The following FKBP3 variants were observed in gnomAD, a reference collection of about 807,000 sequenced individuals.
FKBP3 encodes the protein peptidyl-prolyl cis-trans isomerase FKBP3.
FKBP3 carries 21 observed loss-of-function variants against 30.6 expected under a neutral mutation model. That is an observed-to-expected ratio of 0.69 (90% CI 0.49 to 0.99). The LOEUF (loss-of-function observed/expected upper bound fraction) is 0.99. Ranked by LOEUF, FKBP3 falls within the 50% of genes least tolerant of loss-of-function variation. The pLI is 0.00. For synonymous variants in FKBP3, 82 were observed against 91.3 expected (o/e 0.90, Z 0.58); for missense variants, 283 against 261.6 (o/e 1.08, Z -0.56).
intron 3 of FKBP3, among the ~76,000 whole-genome samples, chr14:45,123,464 CCT>C (rs1228769894): frequency 4.0e-5 from 6 of 151,868 alleles, no homozygotes; most frequent in East Asian, 1.9e-4. Context: ...AGATAGGACC[CCT>C]GTCTCTGTCT....
In FKBP3 at chr14:45,131,471, A is replaced by C. The variant is rs139240068; in HGVS notation, c.109-671T>G. ...ACGTGACAAAACCCCATCTCTACTAAAAATACAAAATTTAGCTGGCCATGG... is the reference window on the plus strand; with the variant it reads ...ACGTGACAAAACCCCATCTCTACTACAAATACAAAATTTAGCTGGCCATGG... On this transcript the variant is annotated intron_variant, in intron 1 of 6. Transcript: ENST00000396062. Among the ~76,000 whole-genome samples the C allele has an allele frequency of 3.3e-3, 494 of 151,992 alleles. 5 individuals are homozygous for C. The highest frequency in any genetic ancestry group is 0.011 in the African/African-American group (469 of 41,426).
intron 5 of FKBP3, 107 bp downstream of exon 5, chr14:45,120,778 CAA>C (rs1371083243): frequency 2.3e-6 from 2 of 869,920 alleles, no homozygotes; most frequent in African/African-American, 3.4e-5. Flanking sequence ...TGTCAGACTC[CAA>C]AGTCTGTTTC....
Position 45,134,419 on chromosome 14 carries a change from TC to T in FKBP3, c.37del (p.Glu13SerfsTer32), listed in dbSNP as rs1885330718. On this transcript the variant is annotated frameshift_variant, in exon 1 of 7. Transcript: ENST00000396062. LOFTEE classifies it high-confidence loss of function. ...AAVPQRAWTV[E>X]QLRSEQLPKK... is the part of the protein sequence containing the mutation. ...GGGCAGCTGCTCACTGCGCAGCTGC[TC>T]CACGGTCCACGCCCGCTGTGGAACG... 6.2e-7 allele frequency: 1 copy of T among 1,613,410 alleles called. No homozygotes were observed. Among genetic ancestry groups the T allele is most frequent in the Non-Finnish European group, 8.5e-7 (1 of 1,179,850 alleles).
chr14:45,129,558 A>C (rs1340352303), intron 3 of FKBP3, among the ~76,000 whole-genome samples: 16 of 152,174 alleles, frequency 1.1e-4, no homozygotes, highest in Admixed American at 1.0e-3. Flanking sequence ...GGCGATATTA[A>C]ATACAATATC....
Position 45,121,605 on chromosome 14 carries a change from T to A in FKBP3, c.334A>T (p.Thr112Ser). 2 of 1,613,522 alleles carry A rather than the reference T, an allele frequency of 1.2e-6. No individual in the cohort carries two copies. Among genetic ancestry groups the A allele is most frequent in the Non-Finnish European group, 1.7e-6 (2 of 1,179,766 alleles). The stretch of plus-strand genomic sequence containing the variant: ...TCTCCCTTTTTCAGAACAGATTTAG[T>A]ATATTTTGGTGGACCCTAAAAACAA... ...ETLDEGPPKY[T>S]KSVLKKGDKT... Residue 112 changes from threonine to serine, a missense_variant, in exon 4 of 7, where the codon ACT becomes TCT. Coordinates refer to ENST00000396062, the MANE Select transcript of FKBP3 (RefSeq NM_002013.4).
Position 45,119,585 on chromosome 14 carries a change from G to A in FKBP3, c.522+1302C>T, listed in dbSNP as rs772380501. 5.1e-4 allele frequency among the ~76,000 whole-genome samples: 77 copies of A among 151,842 alleles called. 1 individual carries two copies. The highest frequency in any genetic ancestry group is 8.5e-4 in the Non-Finnish European group (58 of 67,974). On this transcript the variant is annotated intron_variant, in intron 5 of 6. Coordinates refer to ENST00000396062, the MANE Select transcript of FKBP3 (RefSeq NM_002013.4). ...ACTCCGTCTCAAAAAAAAAGAATAC[G>A]GTAGACTAGAAGAAATTTACCAGTA... is the stretch of plus-strand genomic sequence containing the variant.
intron 5 of FKBP3, among the ~76,000 whole-genome samples, chr14:45,120,099 G>C (rs534660264): frequency 6.6e-6 from 1 of 152,274 alleles, no homozygotes; most frequent in Admixed American, 6.5e-5. Context: ...TGATTGTACA[G>C]AGAGTAATAT....
chr14:45,116,066 T>G lies in FKBP3; in HGVS notation c.*132A>C, dbSNP rs1884826599. On this transcript the variant is annotated 3_prime_UTR_variant, in exon 7 of 7. Transcript: ENST00000396062. ...AAAGCTGGGACCAAGTAAACAAATT[T>G]TATTAACTCCTTGAATTTTCCAGTT... The G allele has an allele frequency of 1.9e-5, 12 of 635,796 alleles. No individual in the cohort carries two copies. The South Asian group carries it at 2.5e-4, about 13-fold the overall frequency. The allele number at this position is 635,796 out of a possible 1,614,324, so 39.4% of individuals were successfully genotyped here.
chr14:45,131,534 CAGG>C (rs891107455), intron 1 of FKBP3, among the ~76,000 whole-genome samples: 29 of 146,446 alleles, frequency 2.0e-4, no homozygotes, highest in African/African-American at 7.0e-4. Context: ...GAGGCTGAAG[CAGG>C]AGAATGGCGT....
At chr14:45,132,705 G>C (rs1398015801) in intron 1 of FKBP3, among the ~76,000 whole-genome samples, 1 of 151,966 alleles carries the variant, frequency 6.6e-6, no homozygotes, top group Non-Finnish European at 1.5e-5. Context: ...AAAGTGCTAG[G>C]ATTACAGGAA....
chr14:45,123,441 C>T (rs558684331), intron 3 of FKBP3, among the ~76,000 whole-genome samples: 28 of 151,512 alleles, frequency 1.8e-4, no homozygotes, highest in Non-Finnish European at 2.6e-4. Context: ...TTCCAGCCAA[C>T]GCCTCAAGAT....
intron 1 of FKBP3, among the ~76,000 whole-genome samples, chr14:45,132,205 T>C (rs1885232205): frequency 6.6e-6 from 1 of 152,184 alleles, no homozygotes; most frequent in Non-Finnish European, 1.5e-5. Flanking sequence ...ATGTTCTAAA[T>C]AACAGCTGAT....
At chr14:45,118,237 A>T in intron 5 of FKBP3, 112 bp from the exon 6 acceptor site, 1 of 623,672 alleles carries the variant, frequency 1.6e-6, no homozygotes, top group East Asian at 2.9e-5. Context: ...CTATTACTAT[A>T]GATTTCACTA....
rs151192410 is a variant in FKBP3 at position 45,117,636 on chromosome 14, A to C, written c.620+392T>G. ...TATTCCATTTCTAAGCTTTGAATTTAATTGCCTGAAATTATACTGTACCAT... is the reference window on the plus strand; with the variant it reads ...TATTCCATTTCTAAGCTTTGAATTTCATTGCCTGAAATTATACTGTACCAT... On this transcript the variant is annotated intron_variant, in intron 6 of 6. Transcript: ENST00000396062. 1.3e-3 allele frequency among the ~76,000 whole-genome samples: 202 copies of C among 152,284 alleles called. 5 individuals are homozygous for C. The South Asian group carries it at 0.028, about 21-fold the overall frequency.
chr14:45,128,394 G>A (rs556690336), intron 3 of FKBP3, among the ~76,000 whole-genome samples: 1 of 152,138 alleles, frequency 6.6e-6, no homozygotes, highest in Non-Finnish European at 1.5e-5. Context: ...GTGAGAAAAT[G>A]TCAAATACTT....
At chr14:45,126,659 T>C (rs139251921) in intron 3 of FKBP3, among the ~76,000 whole-genome samples, 1 of 152,266 alleles carries the variant, frequency 6.6e-6, no homozygotes, top group African/African-American at 2.4e-5. Context: ...AGTTGTCTAA[T>C]AGCTGCACTT....
chr14:45,118,161 T>C (rs766862411), intron 5 of FKBP3, 36 bp from the exon 6 acceptor site: 17 of 1,415,002 alleles, frequency 1.2e-5, no homozygotes, highest in Non-Finnish European at 1.6e-5. Flanking sequence ...TAATGGTATT[T>C]TGCAAAAAGC....
chr14:45,117,171 C>T (rs761231956), intron 6 of FKBP3, among the ~76,000 whole-genome samples: 2 of 152,170 alleles, frequency 1.3e-5, no homozygotes, highest in Non-Finnish European at 2.9e-5. Flanking sequence ...AGGGTTTCAC[C>T]ATGTTGGCCA....
At chr14:45,133,883 AC>A (rs1217018766) in intron 1 of FKBP3, among the ~76,000 whole-genome samples, 2 of 152,252 alleles carry the variant, frequency 1.3e-5, no homozygotes, top group Non-Finnish European at 2.9e-5. Flanking sequence ...TAAAAATCAC[AC>A]GCATTAATGT....
Sources: gnomAD v4.1 joint callset for allele counts (sites outside exome capture counted in the v4.1 genomes callset) on GRCh38, gnomAD v4.1.1 for gene constraint, MANE v1.5 for transcripts, NCBI Gene and HGNC (gene_info 2026-07-23, HGNC 2026-07-21) for gene names.